The following KHDRBS3 variants were observed in gnomAD, a reference collection of about 807,000 sequenced individuals.
The protein encoded by KHDRBS3 is KH RNA binding domain containing, signal transduction associated 3.
Under a neutral mutation model 45.6 loss-of-function variants are expected in KHDRBS3, and 23 were observed. The ratio of observed to expected loss-of-function variants is 0.50; its 90% confidence interval spans 0.36 to 0.72. The LOEUF (loss-of-function observed/expected upper bound fraction) is 0.72. KHDRBS3 is among the 30% of genes least tolerant of loss of function. The probability of loss-of-function intolerance (pLI) is 0.00; values close to 1 mark genes in which losing one functional copy is unlikely to be tolerated. For synonymous variants in KHDRBS3, 162 were observed against 156.5 expected, an observed-to-expected ratio of 1.04 and a Z score of -0.26; for missense variants, 352 against 424.8, an observed-to-expected ratio of 0.83 and a Z score of 1.51.
At chr8:135,571,726 G>C (rs938458189) in intron 5 of KHDRBS3, among the ~76,000 whole-genome samples, 20 of 152,074 alleles carry the variant, frequency 1.3e-4, no homozygotes, top group Non-Finnish European at 2.4e-4. Flanking sequence ...CAGGGCGTTC[G>C]AGGCTGGGGA....
chr8:135,635,554 TG>T (rs949517499), intron 7 of KHDRBS3, among the ~76,000 whole-genome samples: 6 of 152,198 alleles, frequency 3.9e-5, no homozygotes, highest in African/African-American at 7.2e-5. Flanking sequence ...TGGCTAATTT[TG>T]TATTTTTAGT....
intron 7 of KHDRBS3, among the ~76,000 whole-genome samples, chr8:135,643,642 T>C (rs1228232568): frequency 6.6e-6 from 1 of 152,214 alleles, no homozygotes; most frequent in Non-Finnish European, 1.5e-5. Context: ...GCCGTAGTCA[T>C]TAAATGTGAT....
intron 1 of KHDRBS3, among the ~76,000 whole-genome samples, chr8:135,519,320 G>T (rs898646336): frequency 6.6e-6 from 1 of 152,140 alleles, no homozygotes; most frequent in Admixed American, 6.5e-5. Flanking sequence ...GGGAGTTAGC[G>T]TCAGGCCTCC....
At chr8:135,621,936 C>T (rs1830160401) in intron 7 of KHDRBS3, among the ~76,000 whole-genome samples, 1 of 151,988 alleles carries the variant, frequency 6.6e-6, no homozygotes, top group Non-Finnish European at 1.5e-5. Context: ...CTCCCCATGC[C>T]CGTAACCCCC....
At chr8:135,465,596 C>T (rs554330582) in intron 1 of KHDRBS3, among the ~76,000 whole-genome samples, 34 of 152,250 alleles carry the variant, frequency 2.2e-4, no homozygotes, top group Non-Finnish European at 3.7e-4. Context: ...AGACACAGCA[C>T]CTGAAGCTTA....
chr8:135,526,655 C>T (rs1825204644), intron 2 of KHDRBS3, among the ~76,000 whole-genome samples: 1 of 152,208 alleles, frequency 6.6e-6, no homozygotes, highest in Admixed American at 6.5e-5. Flanking sequence ...TGATGGTACA[C>T]TTCCAGCTTC....
At chr8:135,516,595 T>TGTGTGTGTGA (rs1460495654) in intron 1 of KHDRBS3, among the ~76,000 whole-genome samples, 1 of 151,990 alleles carries the variant, frequency 6.6e-6, no homozygotes, top group African/African-American at 2.4e-5. Flanking sequence ...TGTGTGTGTG[T>TGTGTGTGTGA]GTGAGTAAAC....
intron 1 of KHDRBS3, among the ~76,000 whole-genome samples, chr8:135,520,216 C>T (rs11166596): frequency 0.19 from 28,222 of 152,070 alleles, 2,774 homozygotes; most frequent in East Asian, 0.35. Flanking sequence ...TACGTGTATT[C>T]CTTTGTACAG....
At chr8:135,459,668 A>G (rs1821328988) in intron 1 of KHDRBS3, among the ~76,000 whole-genome samples, 1 of 152,246 alleles carries the variant, frequency 6.6e-6, no homozygotes, top group African/African-American at 2.4e-5. Flanking sequence ...GTTGTACTCA[A>G]TTAAGGAACA....
At chr8:135,459,110 C>T (rs1821288771) in intron 1 of KHDRBS3, among the ~76,000 whole-genome samples, 1 of 152,304 alleles carries the variant, frequency 6.6e-6, no homozygotes, top group Non-Finnish European at 1.5e-5. Flanking sequence ...GGATCTGCTG[C>T]TCTTAGTGCT....
intron 5 of KHDRBS3, among the ~76,000 whole-genome samples, chr8:135,564,520 G>C (rs1405061247): frequency 6.6e-6 from 1 of 152,096 alleles, no homozygotes; most frequent in African/African-American, 2.4e-5. Context: ...TATTGGTTTG[G>C]CCTGGGGCAA....
intron 6 of KHDRBS3, among the ~76,000 whole-genome samples, chr8:135,584,254 G>A (rs996912812): frequency 2.6e-5 from 4 of 152,142 alleles, no homozygotes; most frequent in Non-Finnish European, 4.4e-5. Flanking sequence ...AATAACTGAC[G>A]GTCATATCCG....
chr8:135,524,689 G>C (rs1268814691), intron 2 of KHDRBS3, among the ~76,000 whole-genome samples: 1 of 150,222 alleles, frequency 6.7e-6, no homozygotes, highest in Non-Finnish European at 1.5e-5. Context: ...AAAAGTTTCT[G>C]TGGCTCTGTT....
chr8:135,636,748 G>T (rs4909498), intron 7 of KHDRBS3, among the ~76,000 whole-genome samples: 4 of 152,006 alleles, frequency 2.6e-5, no homozygotes, highest in African/African-American at 9.7e-5. Context: ...CATTGCCTGC[G>T]GTCACATGGA....
chr8:135,599,547 C>T (rs543099721), intron 6 of KHDRBS3, among the ~76,000 whole-genome samples: 1 of 152,332 alleles, frequency 6.6e-6, no homozygotes, highest in South Asian at 2.1e-4. Flanking sequence ...AAGCACTTAA[C>T]TACATTTCCT....
At chr8:135,579,213 G>A (rs897536620) in intron 5 of KHDRBS3, among the ~76,000 whole-genome samples, 1 of 152,190 alleles carries the variant, frequency 6.6e-6, no homozygotes, top group Non-Finnish European at 1.5e-5. Context: ...ATTGAAGTAG[G>A]TGGGACTTCT....
chr8:135,646,454 A>C (rs1303530886), intron 8 of KHDRBS3, among the ~76,000 whole-genome samples: 1 of 152,184 alleles, frequency 6.6e-6, no homozygotes, highest in East Asian at 1.9e-4. Flanking sequence ...ACCCAATGCA[A>C]CTTTCCTTCA....
chr8:135,612,030 C>T (rs1829726091), intron 7 of KHDRBS3, among the ~76,000 whole-genome samples: 1 of 151,866 alleles, frequency 6.6e-6, no homozygotes, highest in Admixed American at 6.6e-5. Context: ...TCTCCCCTCT[C>T]TGCATCCCCT....
At position 135,544,394 on chromosome 8, in the gene KHDRBS3, A is replaced by G. The variant is rs1026000968; in HGVS notation, c.324+1624A>G. ...TAACAGCAAGTGCCTGACTACCCAT[A>G]TAATGAAAGGGATCCTAAATATTAT... is the stretch of plus-strand genomic sequence containing the variant. On this transcript the variant is annotated intron_variant, in intron 3 of 8. Transcript: ENST00000355849. Among the ~76,000 whole-genome samples the G allele has an allele frequency of 2.0e-5, 3 of 152,326 alleles. No individual in the cohort carries two copies. In the East Asian group the frequency reaches 5.8e-4, roughly 29 times the overall value.
Sources: gnomAD v4.1 joint callset for allele counts (sites outside exome capture counted in the v4.1 genomes callset) on GRCh38, gnomAD v4.1.1 for gene constraint, MANE v1.5 for transcripts, NCBI Gene and HGNC (gene_info 2026-07-23, HGNC 2026-07-21) for gene names.